The following LEPR variants were observed in gnomAD, a reference collection of about 807,000 sequenced individuals.
LEPR encodes OB receptor.
A neutral mutation model predicts 114.7 loss-of-function variants in LEPR; 56 were observed. The ratio of observed to expected loss-of-function variants is 0.49; its 90% CI spans 0.39 to 0.61. The LOEUF (loss-of-function observed/expected upper bound fraction) is 0.61, where lower values mean the gene tolerates loss of function less well. Ranked by LOEUF, LEPR falls within the 20% of genes least tolerant of loss-of-function variation. The probability of loss-of-function intolerance (pLI) is 0.00; values close to 1 mark genes in which losing one functional copy is unlikely to be tolerated. For synonymous variants in LEPR, 443 were observed against 461.4 expected (o/e 0.96, Z 0.51); for missense variants, 1,202 against 1,352.9 (o/e 0.89, Z 1.75).
chr1:65,636,390 A>G lies in LEPR; in HGVS notation c.2873A>G (p.Gln958Arg), dbSNP rs2101047039. Residue 958 changes from glutamine (Q) to arginine (R), a missense_variant, in exon 20 of 20, where the codon CAG becomes CGG. Transcript: ENST00000349533. ...LEKGSVCISD[Q>R]FNSVNFSEAE... is the part of the protein sequence containing the mutation. The stretch of plus-strand genomic sequence containing the variant: ...AAGGGTTCTGTTTGTATTAGTGACC[A>G]GTTCAACAGTGTTAACTTCTCTGAG... The G allele has an allele frequency of 6.2e-7, 1 of 1,614,138 alleles. No individual in the cohort carries two copies. The highest frequency in any genetic ancestry group is 8.5e-7 in the Non-Finnish European group (1 of 1,180,006).
chr1:65,443,395 G>A (rs1325590126), intron 2 of LEPR, among the ~76,000 whole-genome samples: 3 of 151,346 alleles, frequency 2.0e-5, no homozygotes, highest in Non-Finnish European at 4.4e-5. Context: ...CTCTGAAAAT[G>A]CAATTTTCCA....
chr1:65,566,118 AT>A (rs1247540621), intron 3 of LEPR, among the ~76,000 whole-genome samples: 11 of 151,316 alleles, frequency 7.3e-5, no homozygotes, highest in Non-Finnish European at 1.6e-4. Context: ...ATTGATAGAC[AT>A]TTCTTTTTCT....
intron 19 of LEPR, chr1:65,629,444 C>G (rs1658401876): frequency 5.4e-6 from 2 of 371,864 alleles, no homozygotes; most frequent in Non-Finnish European, 5.2e-6. Context: ...TTGTGACTTA[C>G]TGAACCAAGT....
chr1:65,535,857 T>G (rs140438724), intron 2 of LEPR, among the ~76,000 whole-genome samples: 3 of 152,318 alleles, frequency 2.0e-5, no homozygotes, highest in Admixed American at 2.0e-4. Flanking sequence ...GGGAATCTCA[T>G]TTATTAATAC....
In LEPR at chr1:65,633,014, G is replaced by A; in HGVS notation, c.2674-3177G>A. On this transcript the variant is annotated intron_variant, in intron 19 of 19. Coordinates refer to ENST00000349533, the MANE Select transcript of LEPR (RefSeq NM_002303.6). The surrounding 1 kb of genome is among the most constrained non-coding windows in gnomAD (Gnocchi z 4.1). ...TCAAAATTTTGCCCTTTCCCAAAAG[G>A]ATGCATTATTGTAACCTAACACAAA... 1.5e-6 allele frequency: 1 copy of A among 683,706 alleles called. No individual in the cohort carries two copies. Among genetic ancestry groups the A allele is most frequent in the Non-Finnish European group, 2.4e-6 (1 of 411,626 alleles). The allele number at this position is 683,706 out of a possible 1,614,324, so 42.4% of individuals were successfully genotyped here. A position where few individuals can be genotyped will look rare whatever the true frequency, so the allele number is the denominator to read the frequency against.
chr1:65,444,476 T>G (rs1386566027), intron 2 of LEPR, among the ~76,000 whole-genome samples: 1 of 151,850 alleles, frequency 6.6e-6, no homozygotes, highest in Non-Finnish European at 1.5e-5. Context: ...GTGGCTCCTG[T>G]GCACATGTGC....
At chr1:65,570,853 T>G in intron 4 of LEPR, 51 bp downstream of exon 4, 15 of 1,427,994 alleles carry the variant, frequency 1.1e-5, no homozygotes, top group Non-Finnish European at 1.3e-5. Context: ...TTTAATTCTT[T>G]GATACCTGTA....
At chr1:65,531,012 G>T (rs1195170187) in intron 2 of LEPR, among the ~76,000 whole-genome samples, 1 of 151,944 alleles carries the variant, frequency 6.6e-6, no homozygotes, top group Admixed American at 6.6e-5. Context: ...AATGCATGTC[G>T]GATCATGTCA....
At chr1:65,552,141 T>C (rs560297699) in intron 2 of LEPR, among the ~76,000 whole-genome samples, 9 of 152,340 alleles carry the variant, frequency 5.9e-5, no homozygotes, top group Admixed American at 1.3e-4. Context: ...TGGTCAATTT[T>C]AGAATAAGCG....
At chr1:65,460,189 T>G (rs1284220497) in intron 2 of LEPR, among the ~76,000 whole-genome samples, 1 of 151,834 alleles carries the variant, frequency 6.6e-6, no homozygotes, top group Non-Finnish European at 1.5e-5. Flanking sequence ...AAATACTATA[T>G]AGTTGTTGAA....
chr1:65,608,631 T>G, intron 11 of LEPR, 122 bp from the exon 12 acceptor site: 1 of 1,116,270 alleles, frequency 9.0e-7, no homozygotes, highest in Non-Finnish European at 1.3e-6. Flanking sequence ...AGATAATGAG[T>G]GAGAAAGTTA....
At chr1:65,500,262 A>G (rs1351951145) in intron 2 of LEPR, among the ~76,000 whole-genome samples, 1 of 152,130 alleles carries the variant, frequency 6.6e-6, no homozygotes, top group Non-Finnish European at 1.5e-5. Context: ...ACAGTGTGAA[A>G]ACAGACTAAT....
At chr1:65,494,974 G>A (rs935556981) in intron 2 of LEPR, among the ~76,000 whole-genome samples, 1 of 151,914 alleles carries the variant, frequency 6.6e-6, no homozygotes, top group Admixed American at 6.6e-5. Flanking sequence ...AAACATAAGG[G>A]AAATGCTTTA....
intron 2 of LEPR, among the ~76,000 whole-genome samples, chr1:65,436,792 T>C (rs1352245158): frequency 6.6e-6 from 1 of 152,120 alleles, no homozygotes; most frequent in Non-Finnish European, 1.5e-5. Context: ...TGACTAGATA[T>C]TAACTTAAGT....
In LEPR at chr1:65,455,657, G is replaced by A. The variant is rs536604442; in HGVS notation, c.-21+30279G>A. On this transcript the variant is annotated intron_variant, in intron 2 of 19. Transcript: ENST00000349533. Reference sequence around the variant, plus strand: ...TGTCCGTTCTCAGATCTCCAGCTGCGTGCTGGGAGAACCACTGCTCTCTTC... The same window carrying A: ...TGTCCGTTCTCAGATCTCCAGCTGCATGCTGGGAGAACCACTGCTCTCTTC... Among the ~76,000 whole-genome samples the A allele has an allele frequency of 5.5e-3, 845 of 152,302 alleles. 8 individuals carry two copies. The highest frequency in any genetic ancestry group is 0.018 in the African/African-American group (741 of 41,572).
intron 2 of LEPR, among the ~76,000 whole-genome samples, chr1:65,443,897 T>C (rs893205809): frequency 2.6e-5 from 4 of 152,006 alleles, no homozygotes; most frequent in African/African-American, 9.7e-5. Context: ...GAGGTCCACC[T>C]ATCTGGATCA....
intron 2 of LEPR, among the ~76,000 whole-genome samples, chr1:65,453,721 AGGTGT>A (rs1235773959): frequency 6.6e-6 from 1 of 152,054 alleles, no homozygotes; most frequent in Non-Finnish European, 1.5e-5. Context: ...ATTTTGGAAT[AGGTGT>A]GGTGTGGTGC....
intron 19 of LEPR, among the ~76,000 whole-genome samples, chr1:65,624,502 A>G (rs1453155194): frequency 6.6e-6 from 1 of 152,086 alleles, no homozygotes; most frequent in African/African-American, 2.4e-5. Flanking sequence ...CTTCTTCGCC[A>G]TGACCCACAG....
chr1:65,520,900 A>G (rs1480119638), intron 2 of LEPR, among the ~76,000 whole-genome samples: 1 of 152,224 alleles, frequency 6.6e-6, no homozygotes, highest in Non-Finnish European at 1.5e-5. Flanking sequence ...TGGTTTAAGA[A>G]CGCCTTTAAG....
Sources: gnomAD v4.1 joint callset for allele counts (sites outside exome capture counted in the v4.1 genomes callset) on GRCh38, gnomAD v4.1.1 for gene constraint, Gnocchi (gnomAD v3.1) non-coding constraint, MANE v1.5 for transcripts, NCBI Gene and HGNC (gene_info 2026-07-23, HGNC 2026-07-21) for gene names.